Variants in R3HDM1 observed in about 807,000 individuals in gnomAD.
R3HDM1 encodes R3H domain-containing protein 1.
R3HDM1 carries 46 observed loss-of-function variants against 141.1 expected under a neutral mutation model. The ratio of observed to expected loss-of-function variants is 0.33; its 90% CI spans 0.26 to 0.42. The LOEUF is 0.42. Among genes scored for constraint, R3HDM1 ranks in the 10% least tolerant of loss-of-function variants. The pLI, the probability that R3HDM1 is intolerant of heterozygous loss-of-function variation, is 1.00. For missense variants in R3HDM1, 1,184 were observed against 1,368.3 expected (o/e 0.87, Z 2.12); for synonymous variants, 435 against 472.9 (o/e 0.92, Z 1.04).
intron 18 of R3HDM1, among the ~76,000 whole-genome samples, chr2:135,654,295 GCACA>G (rs968621633): frequency 4.5e-4 from 68 of 151,400 alleles, no homozygotes; most frequent in African/African-American, 1.5e-3. Context: ...CGTAGCATAG[GCACA>G]CACACACACA....
At chr2:135,690,682 T>C (rs577952176) in intron 21 of R3HDM1, among the ~76,000 whole-genome samples, 1 of 151,976 alleles carries the variant, frequency 6.6e-6, no homozygotes, top group South Asian at 2.1e-4. Flanking sequence ...TTTCAGAACA[T>C]TCATTTCTTC....
chr2:135,639,182 G>A (rs1047324589), intron 14 of R3HDM1, 60 bp downstream of exon 14: 9 of 1,508,144 alleles, frequency 6.0e-6, no homozygotes, highest in Non-Finnish European at 7.3e-6. Flanking sequence ...TGTTGTCTCA[G>A]GTCCTTATTT....
chr2:135,707,017 C>G (rs904668007), intron 21 of R3HDM1, among the ~76,000 whole-genome samples: 1 of 152,120 alleles, frequency 6.6e-6, no homozygotes, highest in East Asian at 1.9e-4. Flanking sequence ...CTGACCCCCC[C>G]ACCTCCCTCC....
At chr2:135,555,312 AAG>A (rs1700540032) in intron 1 of R3HDM1, among the ~76,000 whole-genome samples, 2 of 151,876 alleles carry the variant, frequency 1.3e-5, no homozygotes, top group African/African-American at 2.4e-5. Context: ...AAAAAAAAAA[AAG>A]TAAAATAGAT....
At chr2:135,534,336 A>G (rs1306911166) in intron 1 of R3HDM1, among the ~76,000 whole-genome samples, 2 of 152,252 alleles carry the variant, frequency 1.3e-5, no homozygotes, top group African/African-American at 4.8e-5. Context: ...TTTAATACAG[A>G]GTTAAGATTA....
intron 18 of R3HDM1, among the ~76,000 whole-genome samples, chr2:135,659,778 A>G (rs556219600): frequency 6.6e-6 from 1 of 152,312 alleles, no homozygotes; most frequent in Admixed American, 6.5e-5. Context: ...AAAATATTGT[A>G]AATACATAAA....
chr2:135,556,632 C>T (rs1056966018), intron 1 of R3HDM1, among the ~76,000 whole-genome samples: 23 of 151,940 alleles, frequency 1.5e-4, no homozygotes, highest in Admixed American at 5.9e-4. Context: ...CATTCTCCTG[C>T]CTCAGCCTCA....
chr2:135,672,161 ACT>A (rs1487523598), intron 19 of R3HDM1, among the ~76,000 whole-genome samples: 1 of 152,206 alleles, frequency 6.6e-6, no homozygotes, highest in Non-Finnish European at 1.5e-5. Context: ...TAATAGCTCC[ACT>A]GTGTTCAAAA....
At chr2:135,657,995 A>G (rs892062403) in intron 18 of R3HDM1, among the ~76,000 whole-genome samples, 11 of 152,200 alleles carry the variant, frequency 7.2e-5, no homozygotes, top group Admixed American at 6.5e-4. Flanking sequence ...GTAGCCCTCT[A>G]CACACCTAGG....
At chr2:135,538,366 C>T (rs1204990447) in intron 1 of R3HDM1, among the ~76,000 whole-genome samples, 1 of 152,160 alleles carries the variant, frequency 6.6e-6, no homozygotes, top group African/African-American at 2.4e-5. Flanking sequence ...AGGCCTCAGA[C>T]ATAATTGTAC....
chr2:135,694,046 A>G (rs574606228), intron 21 of R3HDM1, among the ~76,000 whole-genome samples: 2 of 152,292 alleles, frequency 1.3e-5, no homozygotes, highest in African/African-American at 4.8e-5. Flanking sequence ...ACAAAAAGGA[A>G]TGATTCTCTA....
rs769292337 is a variant in R3HDM1, at chr2:135,699,070, A to AT, written c.2460-10362dup. Among the ~76,000 whole-genome samples the AT allele has an allele frequency of 5.5e-3, 586 of 106,040 alleles. 18 individuals carry two copies. Among genetic ancestry groups the AT allele is most frequent in the African/African-American group, 0.016 (542 of 33,080 alleles). The allele number at this position is 106,040 out of a possible 152,430, so 69.6% of individuals were successfully genotyped here. On this transcript the variant is annotated intron_variant, in intron 21 of 26. Transcript: ENST00000683871. ...AAGATAGATAAGATAGATTGATTAG[A>AT]TAGATTAGATAGATAGATAGATAGA... is the stretch of plus-strand genomic sequence containing the variant.
At chr2:135,609,360 A>T (rs1407780706) in intron 3 of R3HDM1, among the ~76,000 whole-genome samples, 1 of 152,232 alleles carries the variant, frequency 6.6e-6, no homozygotes, top group Non-Finnish European at 1.5e-5. Flanking sequence ...TTCAGAGCTA[A>T]TTCAAGAAAC....
At position 135,661,348 on chromosome 2, in the gene R3HDM1, A is replaced by G; in HGVS notation, c.2107A>G (p.Asn703Asp). ...QYRPVPSVHY[N>D]SHLNQPLPQP... ...TCGCCCAGTCCCTTCTGTTCATTACAATTCACATCTAAACCAACCACTGCC... is the reference window on the plus strand; with the variant it reads ...TCGCCCAGTCCCTTCTGTTCATTACGATTCACATCTAAACCAACCACTGCC... Residue 703 changes from asparagine (N) to aspartate (D), a missense_variant, in exon 19 of 27, where the codon AAT (asparagine) becomes GAT (aspartate). This residue lies in a region of R3HDM1 where 563 missense variants were observed against 562.0 expected (regional missense o/e 1.00). Transcript: ENST00000683871. 6.2e-7 allele frequency: 1 copy of G among 1,613,960 alleles called. No homozygotes were observed. The highest frequency in any genetic ancestry group is 8.5e-7 in the Non-Finnish European group (1 of 1,179,838).
chr2:135,605,071 G>A (rs2059932043), intron 3 of R3HDM1, 55 bp downstream of exon 3: 3 of 1,358,332 alleles, frequency 2.2e-6, no homozygotes, highest in Admixed American at 2.2e-5. Flanking sequence ...ATATATTTAT[G>A]TTTATTTTCA....
At chr2:135,579,595 C>CGGGGGG (rs371620854) in intron 1 of R3HDM1, among the ~76,000 whole-genome samples, 8 of 86,886 alleles carry the variant, frequency 9.2e-5, no homozygotes, top group African/African-American at 4.6e-4. Context: ...TATGGGGTGG[C>CGGGGGG]GGGGGGGGGT....
chr2:135,650,576 C>T, intron 17 of R3HDM1: 12 of 980,414 alleles, frequency 1.2e-5, no homozygotes, highest in Non-Finnish European at 1.5e-5. Flanking sequence ...GAGTGGTATA[C>T]AATTATGGTA....
At chr2:135,566,972 G>GAA (rs74608097) in intron 1 of R3HDM1, 13 of 98,956 alleles carry the variant, frequency 1.3e-4, no homozygotes, top group Non-Finnish European at 1.1e-4. Flanking sequence ...CTCCGTCTCA[G>GAA]AAAAAAAAAA....
At chr2:135,703,911 G>T (rs1005434747) in intron 21 of R3HDM1, among the ~76,000 whole-genome samples, 9 of 152,204 alleles carry the variant, frequency 5.9e-5, no homozygotes, top group Admixed American at 5.2e-4. Flanking sequence ...GAGGCAGAAA[G>T]TTGGTGTTTT....
Sources: allele counts gnomAD v4.1 joint callset (sites outside exome capture counted in the v4.1 genomes callset), GRCh38; gene constraint gnomAD v4.1.1; regional missense constraint gnomAD v4.1.1; transcripts MANE v1.5; gene names NCBI Gene and HGNC (gene_info 2026-07-23, HGNC 2026-07-21).